EHHADH: variants seen among roughly 807,000 people sequenced by gnomAD.
The protein encoded by EHHADH is enoyl-CoA hydratase and 3-hydroxyacyl CoA dehydrogenase.
In EHHADH, 48 loss-of-function variants were observed where a neutral mutation model predicts 64.4. The observed-to-expected ratio is 0.75, with a 90% CI of 0.59 to 0.95. The LOEUF is 0.95. Ranked by LOEUF, EHHADH falls within the 40% of genes least tolerant of loss-of-function variation. EHHADH has a pLI of 0.00. For synonymous variants in EHHADH, 308 were observed against 326.7 expected (o/e 0.94, Z 0.62); for missense variants, 854 against 876.6 (o/e 0.97, Z 0.33).
At chr3:185,247,002 G>A (rs1334932586) in intron 2 of EHHADH, among the ~76,000 whole-genome samples, 1 of 151,874 alleles carries the variant, frequency 6.6e-6, no homozygotes. Context: ...AGAGGATATT[G>A]GAAATTAACT....
intron 4 of EHHADH, among the ~76,000 whole-genome samples, 179 bp downstream of exon 4, chr3:185,229,253 C>T (rs554187299): frequency 7.2e-5 from 11 of 152,296 alleles, no homozygotes; most frequent in South Asian, 2.1e-4. Context: ...TTCACGATAA[C>T]GTTTGAGAAG....
chr3:185,245,105 A>G (rs1719559947), intron 2 of EHHADH, among the ~76,000 whole-genome samples: 1 of 151,806 alleles, frequency 6.6e-6, no homozygotes, highest in Admixed American at 6.6e-5. Flanking sequence ...TTTCTTCTTG[A>G]GTTAATTTTG....
rs1367786172 is a variant in EHHADH, at chr3:185,228,257, A to AAAAAAAAAAATAT, written c.463+1174_463+1175insATATTTTTTTTTT. On this transcript the variant is annotated intron_variant, in intron 4 of 6. Transcript: ENST00000231887. ...TCAAAAAAAAAAAAAAAAAAAAAAA[A>AAAAAAAAAAATAT]ATATATATATATATATATATATGGA... Among the ~76,000 whole-genome samples, 13 of 22,002 alleles carry AAAAAAAAAAATAT rather than the reference A, an allele frequency of 5.9e-4. 1 individual carries two copies. The highest frequency in any genetic ancestry group is 9.6e-4 in the Non-Finnish European group (9 of 9,358). 14.4% of individuals were successfully genotyped at this position (22,002 alleles called of 152,430 possible). A position where few individuals can be genotyped will look rare whatever the true frequency, so the allele number is the denominator to read the frequency against.
Position 185,229,426 on chromosome 3 carries a change from A to C in EHHADH, c.463+6T>G, listed in dbSNP as rs775177936. The C allele has an allele frequency of 1.3e-6, 2 of 1,505,060 alleles. No homozygotes were observed. Among genetic ancestry groups the C allele is most frequent in the African/African-American group, 2.8e-5 (2 of 72,534 alleles). 93.2% of individuals were successfully genotyped at this position (1,505,060 alleles called of 1,614,324 possible). A position where few individuals can be genotyped will look rare whatever the true frequency, so the allele number is the denominator to read the frequency against. Reference sequence around the variant, plus strand: ...CTAGACAGTTGTTGCCAAGGTCTATACTGACCTGAGGTAATTAAGTCAAGT... The same window carrying C: ...CTAGACAGTTGTTGCCAAGGTCTATCCTGACCTGAGGTAATTAAGTCAAGT... On this transcript the variant is annotated splice_donor_region_variant and intron_variant, in intron 4 of 6. Coordinates refer to ENST00000231887, the MANE Select transcript of EHHADH (RefSeq NM_001966.4).
At chr3:185,194,680 G>A (rs1718007493) in intron 6 of EHHADH, among the ~76,000 whole-genome samples, 1 of 151,096 alleles carries the variant, frequency 6.6e-6, no homozygotes, top group African/African-American at 2.4e-5. Flanking sequence ...CATGCCTATA[G>A]TCACAGCTAT....
Position 185,235,290 on chromosome 3 carries a change from C to A in EHHADH, c.351G>T (p.Glu117Asp). The part of the protein sequence containing the change: ...LGCHYRIAHA[E>D]AQVGLPEVTL... ...CACTATATAGAGCCTTGGTTGTTACCTCTGCGTGGGCAATCCTATAGTGAC... is the reference window on the plus strand; with the variant it reads ...CACTATATAGAGCCTTGGTTGTTACATCTGCGTGGGCAATCCTATAGTGAC... The change falls in exon 3 of 7, where the codon GAG becomes GAT. Residue 117 changes from glutamate (E) to aspartate (D), a missense_variant and splice_region_variant. Coordinates refer to ENST00000231887, the MANE Select transcript of EHHADH (RefSeq NM_001966.4). 6.2e-7 allele frequency: 1 copy of A among 1,608,930 alleles called. No homozygotes were observed. Among genetic ancestry groups the A allele is most frequent in the Non-Finnish European group, 8.5e-7 (1 of 1,177,820 alleles).
intron 4 of EHHADH, among the ~76,000 whole-genome samples, chr3:185,218,744 C>G (rs567363432): frequency 6.6e-6 from 1 of 151,796 alleles, no homozygotes; most frequent in Non-Finnish European, 1.5e-5. Context: ...AAAAAAGGAC[C>G]GGGCACGGTG....
intron 6 of EHHADH, among the ~76,000 whole-genome samples, chr3:185,200,458 T>G (rs1238366879): frequency 6.6e-6 from 1 of 152,230 alleles, no homozygotes; most frequent in Non-Finnish European, 1.5e-5. Context: ...CTCACTTCTA[T>G]AGCAACTTGT....
chr3:185,198,692 T>A (rs974696781), intron 6 of EHHADH, among the ~76,000 whole-genome samples: 6 of 151,814 alleles, frequency 4.0e-5, no homozygotes, highest in Non-Finnish European at 8.8e-5. Flanking sequence ...CTACTAAAAG[T>A]ACAAAAATTA....
In EHHADH at chr3:185,253,772, A is replaced by AGAAAG. The variant is rs538516047; in HGVS notation, c.74+176_74+177insCTTTC. 3.8e-6 allele frequency: 5 copies of AGAAAG among 1,332,476 alleles called. No homozygotes were observed. In the African/African-American group the frequency reaches 6.2e-5, roughly 16 times the overall value. 82.5% of individuals were successfully genotyped at this position (1,332,476 alleles called of 1,614,324 possible). On this transcript the variant is annotated intron_variant, in intron 1 of 6. Transcript: ENST00000231887. ...AAGCTAATCTAGGTTAAAAAAAAAA[A>AGAAAG]AAAAGAAAAGAAAAAGAAAGAAAGA...
intron 2 of EHHADH, among the ~76,000 whole-genome samples, chr3:185,243,278 C>A (rs1196169175): frequency 4.6e-5 from 7 of 152,180 alleles, no homozygotes; most frequent in African/African-American, 9.7e-5. Context: ...TCTTGGGATT[C>A]CTGATTTATT....
At chr3:185,211,981 C>T (rs558375806) in intron 5 of EHHADH, among the ~76,000 whole-genome samples, 9 of 152,280 alleles carry the variant, frequency 5.9e-5, no homozygotes, top group South Asian at 2.1e-4. Context: ...GAAAGGAAAA[C>T]GGAGCATTAG....
intron 3 of EHHADH, among the ~76,000 whole-genome samples, chr3:185,232,464 T>C (rs994781051): frequency 2.0e-5 from 3 of 152,254 alleles, no homozygotes; most frequent in African/African-American, 4.8e-5. Context: ...TTTCTTTTTT[T>C]TGAGACAGAG....
At chr3:185,210,168 T>TA (rs1718502005) in intron 5 of EHHADH, among the ~76,000 whole-genome samples, 1 of 152,284 alleles carries the variant, frequency 6.6e-6, no homozygotes, top group African/African-American at 2.4e-5. Flanking sequence ...TGGGATATCT[T>TA]AGAGTTGGAT....
chr3:185,193,349 T>C lies in EHHADH; in HGVS notation c.1049A>G (p.Lys350Arg). ...CCAAGGGTGGCCGCTCTGTTGCATT[T>C]TGGAGGCTTCTTTTTCCAAGACAGA... The part of the protein sequence containing the change: ...ITSVLEKEAS[K>R]MQQSGHPWSG... Residue 350 changes from lysine to arginine, a missense_variant, in exon 7 of 7, where the codon AAA (lysine) becomes AGA (arginine). Transcript: ENST00000231887. The C allele has an allele frequency of 1.2e-6, 2 of 1,614,028 alleles. No homozygotes were observed. Among genetic ancestry groups the C allele is most frequent in the Non-Finnish European group, 1.7e-6 (2 of 1,179,984 alleles).
intron 4 of EHHADH, chr3:185,226,841 G>A (rs747941103): frequency 6.6e-6 from 1 of 152,048 alleles, no homozygotes; most frequent in African/African-American, 2.4e-5. Flanking sequence ...GAATCTGAGA[G>A]TCATCTCACT....
In EHHADH at chr3:185,191,597, T is replaced by C. The variant is rs987715236; in HGVS notation, c.*629A>G. 6.6e-6 allele frequency: 1 copy of C among 152,280 alleles called. No individual in the cohort carries two copies. The highest frequency in any genetic ancestry group is 1.5e-5 in the Non-Finnish European group (1 of 68,076). 9.4% of individuals were successfully genotyped at this position (152,280 alleles called of 1,614,324 possible). On this transcript the variant is annotated 3_prime_UTR_variant, in exon 7 of 7. Transcript: ENST00000231887. Reference sequence around the variant, plus strand: ...CTGGTGTCATTACTCTATCACAGAATTGGGAAATCCTAGAAGGTTAGATGT... The same window carrying C: ...CTGGTGTCATTACTCTATCACAGAACTGGGAAATCCTAGAAGGTTAGATGT...
intron 3 of EHHADH, among the ~76,000 whole-genome samples, chr3:185,230,480 T>C (rs1385959305): frequency 2.6e-5 from 4 of 152,344 alleles, no homozygotes; most frequent in Admixed American, 1.3e-4. Flanking sequence ...TGGAATATTA[T>C]TCAGCAAAAT....
chr3:185,222,201 G>GC (rs1012799448), intron 4 of EHHADH, among the ~76,000 whole-genome samples: 1 of 151,804 alleles, frequency 6.6e-6, no homozygotes, highest in Non-Finnish European at 1.5e-5. Context: ...CCAACATGGT[G>GC]CCCCCCGCCC....
Sources: gnomAD v4.1 joint callset for allele counts (sites outside exome capture counted in the v4.1 genomes callset) on GRCh38, gnomAD v4.1.1 for gene constraint, MANE v1.5 for transcripts, NCBI Gene and HGNC (gene_info 2026-07-23, HGNC 2026-07-21) for gene names.